Variants in SMC1A observed in about 807,000 individuals in gnomAD.
SMC1A encodes structural maintenance of chromosomes protein 1A.
In SMC1A, 4 loss-of-function variants were observed where a neutral mutation model predicts 94.5. The ratio of observed to expected loss-of-function variants is 0.04; its 90% CI spans 0.02 to 0.10. The LOEUF is 0.10. Ranked by LOEUF, SMC1A falls within the 10% of genes least tolerant of loss-of-function variation. SMC1A has a pLI of 1.00. For missense variants in SMC1A, 304 were observed against 989.0 expected (o/e 0.31, Z 9.29); for synonymous variants, 345 against 347.7 (o/e 0.99, Z 0.09).
At position 53,377,397 on chromosome X, in the gene SMC1A, A is replaced by T. The variant is rs1316483263; in HGVS notation, c.*2706T>A. 8.9e-6 allele frequency: 1 copy of T among 112,354 alleles called. No individual in the cohort carries two copies. Among genetic ancestry groups the T allele is most frequent in the East Asian group, 2.8e-4 (1 of 3,582 alleles). The allele number at this position is 112,354 out of a possible 1,213,427, so 9.3% of individuals were successfully genotyped here. ...GAATCAGATTTCCAGAGGTGGGACCAGAGCAATTTATTTTTAAAGAGCTCC... is the reference window on the plus strand; with the variant it reads ...GAATCAGATTTCCAGAGGTGGGACCTGAGCAATTTATTTTTAAAGAGCTCC... On this transcript the variant is annotated 3_prime_UTR_variant, in exon 25 of 25. Coordinates refer to ENST00000322213, the MANE Select transcript of SMC1A (RefSeq NM_006306.4).
intron 16 of SMC1A, among the ~76,000 whole-genome samples, chrX:53,397,908 G>A (rs951866511): frequency 4.5e-5 from 5 of 111,107 alleles, no homozygotes; most frequent in African/African-American, 1.6e-4. Context: ...ACACCAGGCC[G>A]GGCGTGGTGG....
chrX:53,407,645 C>A (rs12012203), intron 9 of SMC1A, among the ~76,000 whole-genome samples: 1,920 of 111,365 alleles, frequency 0.017, 32 homozygotes, highest in African/African-American at 0.06. Flanking sequence ...AAGTCTTGGA[C>A]TGAGCCCCTA....
In SMC1A at chrX:53,412,857, C is replaced by T. The variant is rs371470256; in HGVS notation, c.854+43G>A. 1.9e-5 allele frequency: 23 copies of T among 1,209,220 alleles called. No homozygotes were observed. In the African/African-American group the frequency reaches 3.8e-4, roughly 20 times the overall value. ...GAGGAACCCTAATAAACAGCACGGC[C>T]TCTTGGTTTCCCACAAGTTGCAGGC... On this transcript the variant is annotated intron_variant, in intron 5 of 24. Transcript: ENST00000322213.
intron 1 of SMC1A, among the ~76,000 whole-genome samples, chrX:53,417,300 C>T (rs12009181): frequency 0.19 from 21,084 of 108,970 alleles, 4,918 homozygotes; most frequent in African/African-American, 0.66. Context: ...CCTGTTATCC[C>T]AGCACTTTGG....
intron 19 of SMC1A, among the ~76,000 whole-genome samples, chrX:53,387,045 G>A (rs2075607092): frequency 8.9e-6 from 1 of 112,078 alleles, no homozygotes; most frequent in Non-Finnish European, 1.9e-5. Context: ...GCCCAGGCTG[G>A]AGTGCAGCGG....
intron 18 of SMC1A, among the ~76,000 whole-genome samples, chrX:53,395,867 A>C (rs782015821): frequency 9.0e-6 from 1 of 110,638 alleles, no homozygotes; most frequent in African/African-American, 3.3e-5. Context: ...GCTCTTGGCT[A>C]ATGTCCCTCA....
intron 6 of SMC1A, 25 bp from the exon 7 acceptor site, chrX:53,411,926 A>T (rs782605499): frequency 1.7e-6 from 2 of 1,211,537 alleles, no homozygotes; most frequent in Non-Finnish European, 2.2e-6. Flanking sequence ...GGGAAGGAGA[A>T]CAGGGATGAC....
chrX:53,399,760 C>G (rs2075664627), intron 15 of SMC1A, 30 bp from the exon 16 acceptor site: 1 of 1,184,078 alleles, frequency 8.4e-7, no homozygotes, highest in African/African-American at 1.8e-5. Flanking sequence ...GAGAATCACT[C>G]ATAATCTCAT....
intron 14 of SMC1A, 21 bp from the exon 15 acceptor site, chrX:53,403,693 G>A (rs782821174): frequency 1.7e-6 from 2 of 1,189,447 alleles, no homozygotes; most frequent in South Asian, 3.6e-5. Flanking sequence ...AAGCCAGGGA[G>A]GGCATCGGCC....
intron 3 of SMC1A, 46 bp downstream of exon 3, chrX:53,414,712 T>C (rs782794912): frequency 2.4e-6 from 2 of 818,395 alleles, no homozygotes; most frequent in South Asian, 2.0e-5. Context: ...GGATGGGACA[T>C]GGTCTGGCAA....
Position 53,405,477 on chromosome X carries a change from G to A in SMC1A, c.1911+16C>T. On this transcript the variant is annotated intron_variant, in intron 11 of 24. Transcript: ENST00000322213. ...CTGAGCCTGTCCAGCTCCAGCCTGG[G>A]CAAGGGAATCCACACCTTGTGGCGC... is the stretch of plus-strand genomic sequence containing the variant. 1 of 1,211,765 alleles carries A rather than the reference G, an allele frequency of 8.3e-7. No homozygotes were observed.
At chrX:53,421,144 C>T (rs2146611716) in intron 1 of SMC1A, among the ~76,000 whole-genome samples, 1 of 111,543 alleles carries the variant, frequency 9.0e-6, no homozygotes, top group Non-Finnish European at 1.9e-5. Flanking sequence ...CACTAAAACC[C>T]GAGGAAACTG....
chrX:53,383,585 C>T (rs1480055834), intron 19 of SMC1A, among the ~76,000 whole-genome samples: 4 of 112,598 alleles, frequency 3.6e-5, no homozygotes, highest in Non-Finnish European at 7.5e-5. Context: ...CCAGTACCAA[C>T]CCAGGGTGAC....
At chrX:53,389,986 A>C (rs2075621539) in intron 19 of SMC1A, among the ~76,000 whole-genome samples, 1 of 102,805 alleles carries the variant, frequency 9.7e-6, no homozygotes, top group African/African-American at 3.6e-5. Flanking sequence ...AGTAGCTGGG[A>C]CTACAGGCAC....
chrX:53,418,931 C>T (rs1410827111), intron 1 of SMC1A, among the ~76,000 whole-genome samples: 1 of 106,949 alleles, frequency 9.4e-6, no homozygotes, highest in Non-Finnish European at 1.9e-5. Context: ...ATCCCAGCTA[C>T]TCGGGAGGCT....
At chrX:53,405,727 G>A (rs782109820) in intron 10 of SMC1A, 44 bp downstream of exon 10, 4 of 1,207,222 alleles carry the variant, frequency 3.3e-6, no homozygotes, top group Middle Eastern at 2.3e-4. Flanking sequence ...ACTAGAGGAG[G>A]GGCCCTTGAA....
intron 16 of SMC1A, among the ~76,000 whole-genome samples, chrX:53,397,088 C>A: frequency 9.2e-6 from 1 of 108,171 alleles, no homozygotes; most frequent in Non-Finnish European, 1.9e-5. Flanking sequence ...CCCACACAAA[C>A]AATACTGTGC....
intron 1 of SMC1A, among the ~76,000 whole-genome samples, chrX:53,415,435 C>G (rs1307671816): frequency 9.0e-6 from 1 of 110,839 alleles, no homozygotes; most frequent in Non-Finnish European, 1.9e-5. Flanking sequence ...CACCTGTAAT[C>G]CCAGCACTTT....
chrX:53,414,909 C>A (rs1450352792), intron 2 of SMC1A, 39 bp from the exon 3 acceptor site: 18 of 1,187,590 alleles, frequency 1.5e-5, no homozygotes, highest in Non-Finnish European at 2.1e-5. Context: ...GTCAGGCCTC[C>A]TTCCTGTCCC....
Sources: gnomAD v4.1 joint callset for allele counts (sites outside exome capture counted in the v4.1 genomes callset) on GRCh38, gnomAD v4.1.1 for gene constraint, MANE v1.5 for transcripts, NCBI Gene and HGNC (gene_info 2026-07-23, HGNC 2026-07-21) for gene names.